The following SOX30 variants were observed in gnomAD, a reference collection of about 807,000 sequenced individuals.
SOX30 encodes the protein SRY-box transcription factor 30, also known as transcription factor SOX-30.
A neutral mutation model predicts 58.6 loss-of-function variants in SOX30; 17 were observed. The observed-to-expected ratio is 0.29, with a 90% CI of 0.20 to 0.44. SOX30 has a LOEUF of 0.44. Ranked by LOEUF, SOX30 falls within the 20% of genes least tolerant of loss-of-function variation. The pLI, the probability that SOX30 is intolerant of heterozygous loss-of-function variation, is 1.00. For synonymous variants in SOX30, 421 were observed against 400.2 expected, an observed-to-expected ratio of 1.05 and a Z score of -0.62; for missense variants, 951 against 965.8, an observed-to-expected ratio of 0.98 and a Z score of 0.20.
chr5:157,641,666 A>T (rs1759065469), intron 3 of SOX30, among the ~76,000 whole-genome samples: 1 of 152,190 alleles, frequency 6.6e-6, no homozygotes, highest in Non-Finnish European at 1.5e-5. Context: ...AGAAATAGTA[A>T]AAGTAGTTAT....
Position 157,652,286 on chromosome 5 carries a change from T to C in SOX30, c.-208A>G, listed in dbSNP as rs1399073665. On this transcript the variant is annotated 5_prime_UTR_variant, in exon 1 of 5. Coordinates refer to ENST00000265007, the MANE Select transcript of SOX30 (RefSeq NM_178424.2). ...CACAGGCGGGTTTTCCGGCTCTTCC[T>C]GGTCCCTACTCTCGCCTCGTGCTGA... 7.2e-6 allele frequency: 9 copies of C among 1,247,978 alleles called. No homozygotes were observed. In the South Asian group the frequency reaches 1.8e-4, roughly 25 times the overall value. The allele number at this position is 1,247,978 out of a possible 1,614,324, so 77.3% of individuals were successfully genotyped here.
At chr5:157,628,871 C>A (rs1758724091) in intron 4 of SOX30, among the ~76,000 whole-genome samples, 2 of 152,030 alleles carry the variant, frequency 1.3e-5, no homozygotes, top group Non-Finnish European at 2.9e-5. Context: ...GAAATTCTGA[C>A]CTCAGGTGAT....
upstream of SOX30, among the ~76,000 whole-genome samples, chr5:157,657,269 G>C (rs1759490706): frequency 6.6e-6 from 1 of 152,102 alleles, no homozygotes; most frequent in Admixed American, 6.6e-5. Flanking sequence ...GGTGTATATT[G>C]TGAATAATTA....
At chr5:157,642,780 G>A (rs894907681) in intron 3 of SOX30, among the ~76,000 whole-genome samples, 1 of 152,062 alleles carries the variant, frequency 6.6e-6, no homozygotes, top group Non-Finnish European at 1.5e-5. Flanking sequence ...AAAATTGAAG[G>A]AGCCACACCT....
chr5:157,666,308 A>AT (rs2113860349), intron 2 of SOX30, among the ~76,000 whole-genome samples: 1 of 151,948 alleles, frequency 6.6e-6, no homozygotes, highest in Non-Finnish European at 1.5e-5. Context: ...CCACAGGAAC[A>AT]TGCCACCATG....
At chr5:157,653,686 CTA>C (rs565471608), upstream of SOX30, among the ~76,000 whole-genome samples, 62 of 152,244 alleles carry the variant, frequency 4.1e-4, no homozygotes, top group Admixed American at 2.0e-3. Context: ...TGGCCAAAAA[CTA>C]TAGTTTATCT....
rs778628194 is a variant in SOX30, at chr5:157,638,652, C to G, written c.1458G>C (p.Gln486His). ...VQSPSPVTLF[Q>H]PSVSSAAQVA... ...CCTGAGCAGCACTGGAGACGCTGGG[C>G]TGGAAAAGTGTGACAGGGCTTGGGC... is the stretch of plus-strand genomic sequence containing the variant. The change falls in exon 4 of 5, where the codon CAG becomes CAC. Residue 486 changes from glutamine to histidine, a missense_variant. Physicochemically the swap from Gln to His is conservative, Grantham distance 24. Transcript: ENST00000265007. 78 of 1,614,074 alleles carry G rather than the reference C, an allele frequency of 4.8e-5. No individual in the cohort carries two copies. The East Asian group carries it at 1.7e-3, about 35-fold the overall frequency.
chr5:157,666,976 G>A (rs765295376), intron 2 of SOX30, among the ~76,000 whole-genome samples: 4 of 152,192 alleles, frequency 2.6e-5, no homozygotes, highest in African/African-American at 9.7e-5. Context: ...AAAGTGCTGG[G>A]ATTACAGGCA....
intron 2 of SOX30, among the ~76,000 whole-genome samples, chr5:157,647,035 CTCA>C (rs750646563): frequency 6.6e-6 from 1 of 151,534 alleles, no homozygotes; most frequent in Admixed American, 6.6e-5. Context: ...AATGTTATAA[CTCA>C]TCATTGAAAA....
chr5:157,642,485 A>G (rs1377768756), intron 3 of SOX30, among the ~76,000 whole-genome samples: 1 of 152,064 alleles, frequency 6.6e-6, no homozygotes, highest in Non-Finnish European at 1.5e-5. Context: ...GGGGTTATTC[A>G]ATTTTTGGAA....
At chr5:157,631,225 AG>A (rs1208607557) in intron 4 of SOX30, among the ~76,000 whole-genome samples, 1 of 151,202 alleles carries the variant, frequency 6.6e-6, no homozygotes, top group African/African-American at 2.4e-5. Context: ...CTGAGACTAC[AG>A]GTACACCACC....
chr5:157,647,298 T>C (rs982981269), intron 2 of SOX30, among the ~76,000 whole-genome samples: 1 of 152,094 alleles, frequency 6.6e-6, no homozygotes, highest in African/African-American at 2.4e-5. Context: ...CCTGACCTCG[T>C]GATCCGCCCG....
At chr5:157,646,294 A>G (rs1216440284) in intron 3 of SOX30, among the ~76,000 whole-genome samples, 3 of 152,202 alleles carry the variant, frequency 2.0e-5, no homozygotes, top group Non-Finnish European at 2.9e-5. Flanking sequence ...ATACCCCATT[A>G]GCAAGGCAGT....
intron 2 of SOX30, among the ~76,000 whole-genome samples, chr5:157,647,061 ATTTT>A (rs33962778): frequency 7.4e-6 from 1 of 134,510 alleles, no homozygotes. Context: ...AGAGGGTCAA[ATTTT>A]TTTTTTTTTT....
In SOX30 at chr5:157,651,416, G is replaced by A. The variant is rs1265482549; in HGVS notation, c.663C>T (p.Leu221=). 1.9e-6 allele frequency: 3 copies of A among 1,613,402 alleles called. No individual in the cohort carries two copies. The Admixed American group carries it at 5.0e-5, about 27-fold the overall frequency. The change falls in exon 1 of 5, where the codon CTC becomes CTT. Residue 221 remains leucine, a synonymous_variant. Coordinates refer to ENST00000265007, the MANE Select transcript of SOX30 (RefSeq NM_178424.2). ...GCTCCGCGCCGAGCCTGCAGTCCTC[G>A]AGGAGTCTCTCGGGTTCCTCCGTTT... ...VIKTEEPERL[L]EDCRLGAEPA...
intron 4 of SOX30, among the ~76,000 whole-genome samples, chr5:157,634,274 C>T (rs1581390548): frequency 6.6e-6 from 1 of 152,064 alleles, no homozygotes; most frequent in Non-Finnish European, 1.5e-5. Context: ...AGTGCAGTGG[C>T]ATGATCTTGG....
intron 3 of SOX30, among the ~76,000 whole-genome samples, chr5:157,640,510 A>C (rs1354754349): frequency 6.6e-6 from 1 of 151,922 alleles, no homozygotes; most frequent in African/African-American, 2.4e-5. Flanking sequence ...CGCACTGACC[A>C]CCAGACCTTG....
chr5:157,644,899 T>A (rs1759150488), intron 3 of SOX30, among the ~76,000 whole-genome samples: 1 of 152,140 alleles, frequency 6.6e-6, no homozygotes, highest in Non-Finnish European at 1.5e-5. Context: ...GAGAACTGCT[T>A]GAACCCAGGC....
chr5:157,660,230 G>A (rs1055184256), intron 2 of SOX30, among the ~76,000 whole-genome samples: 15 of 152,144 alleles, frequency 9.9e-5, no homozygotes, highest in African/African-American at 3.6e-4. Context: ...AGACCGACAT[G>A]GGCAACGTGG....
Sources: allele counts gnomAD v4.1 joint callset (sites outside exome capture counted in the v4.1 genomes callset), GRCh38; gene constraint gnomAD v4.1.1; transcripts MANE v1.5; gene names NCBI Gene and HGNC (gene_info 2026-07-23, HGNC 2026-07-21).